The following COMMD6 variants were observed in gnomAD, a reference collection of about 807,000 sequenced individuals.
The protein encoded by COMMD6 is COMM domain-containing protein 6.
A neutral mutation model predicts 13.4 loss-of-function variants in COMMD6; 11 were observed. The observed-to-expected ratio is 0.82, with a 90% CI of 0.52 to 1.36. The LOEUF (loss-of-function observed/expected upper bound fraction) is 1.36, where lower values mean the gene tolerates loss of function less well. Ranked by LOEUF, COMMD6 falls within the 40% of genes most tolerant of loss-of-function variation. COMMD6 has a pLI of 0.00. For synonymous variants in COMMD6, 43 were observed against 36.5 expected (o/e 1.18, Z -0.64); for missense variants, 124 against 102.4 (o/e 1.21, Z -0.91).
intron 3 of COMMD6, chr13:75,527,940 A>G (rs1326780995): frequency 1.5e-6 from 2 of 1,318,862 alleles, no homozygotes; most frequent in South Asian, 2.3e-5. Context: ...CAATATGGTG[A>G]CTACAGTAAT....
At chr13:75,544,064 A>T (rs1392125179) in intron 1 of COMMD6, among the ~76,000 whole-genome samples, 2 of 143,774 alleles carry the variant, frequency 1.4e-5, no homozygotes, top group Non-Finnish European at 3.0e-5. Flanking sequence ...TTTTATTTGT[A>T]CTCCAGGTTA....
At chr13:75,541,585 C>G (rs971769565), upstream of COMMD6, among the ~76,000 whole-genome samples, 2 of 151,920 alleles carry the variant, frequency 1.3e-5, no homozygotes, top group Non-Finnish European at 2.9e-5. Flanking sequence ...TGATGTGTTA[C>G]TATTTTTGCC....
chr13:75,536,562 G>A (rs1442648519), intron 2 of COMMD6, among the ~76,000 whole-genome samples: 2 of 152,166 alleles, frequency 1.3e-5, no homozygotes, highest in Non-Finnish European at 1.5e-5. Context: ...AGGAAAAAGG[G>A]TCAGAGTCAG....
chr13:75,538,170 G>A (rs567490077), upstream of COMMD6, among the ~76,000 whole-genome samples: 1 of 152,300 alleles, frequency 6.6e-6, no homozygotes, highest in Admixed American at 6.5e-5. Flanking sequence ...AACCAAATTC[G>A]GAAGGCGCTG....
upstream of COMMD6, among the ~76,000 whole-genome samples, chr13:75,540,182 G>A (rs2030802122): frequency 6.6e-6 from 1 of 151,930 alleles, no homozygotes; most frequent in Non-Finnish European, 1.5e-5. Context: ...TGTTGCCCAG[G>A]CTGGTCTCGA....
chr13:75,537,950 T>G (rs1322472332), upstream of COMMD6: 1 of 761,892 alleles, frequency 1.3e-6, no homozygotes, highest in Non-Finnish European at 2.1e-6. Flanking sequence ...GTGACTCATA[T>G]TTTTTCTTAA....
intron 2 of COMMD6, among the ~76,000 whole-genome samples, chr13:75,534,132 T>C (rs968528945): frequency 2.0e-5 from 3 of 152,138 alleles, no homozygotes; most frequent in Admixed American, 2.0e-4. Context: ...GTAAGCAATT[T>C]CTTATTCTTA....
chr13:75,540,125 C>G (rs2030801105), upstream of COMMD6, among the ~76,000 whole-genome samples: 1 of 152,050 alleles, frequency 6.6e-6, no homozygotes, highest in African/African-American at 2.4e-5. Context: ...CGCATGCCAC[C>G]ATGCCCAGCT....
At chr13:75,532,316 T>C (rs1439286945) in intron 2 of COMMD6, among the ~76,000 whole-genome samples, 2 of 152,238 alleles carry the variant, frequency 1.3e-5, no homozygotes, top group Non-Finnish European at 2.9e-5. Context: ...ACTACATTTC[T>C]GGTTGAAAGG....
chr13:75,533,472 A>T lies in COMMD6; in HGVS notation c.55-3206T>A, dbSNP rs1043761242. On this transcript the variant is annotated intron_variant, in intron 2 of 3. Transcript: ENST00000682242. ...AAGTCCCAGCTACTTGGGAGGATGA[A>T]GTGGGAGGATCACCTAAGCCCAGGA... Among the ~76,000 whole-genome samples, 20 of 151,518 alleles carry T rather than the reference A, an allele frequency of 1.3e-4. No individual in the cohort carries two copies. The East Asian group carries it at 3.5e-3, about 27-fold the overall frequency.
At chr13:75,533,512 T>C (rs1432760796) in intron 2 of COMMD6, among the ~76,000 whole-genome samples, 5 of 146,438 alleles carry the variant, frequency 3.4e-5, no homozygotes, top group African/African-American at 1.3e-4. Flanking sequence ...AAGGATGCAG[T>C]GAGCTGTGAG....
chr13:75,541,201 C>T (rs750324582), upstream of COMMD6, among the ~76,000 whole-genome samples: 4 of 152,120 alleles, frequency 2.6e-5, no homozygotes, highest in Non-Finnish European at 4.4e-5. Flanking sequence ...CCATGTTGTT[C>T]AAGGGTCAAC....
chr13:75,537,268 TA>T, intron 2 of COMMD6: 1 of 1,487,450 alleles, frequency 6.7e-7, no homozygotes, highest in Non-Finnish European at 9.0e-7. Context: ...ATGCATACTC[TA>T]AAAGGCTAAA....
At chr13:75,527,753 C>G in intron 3 of COMMD6, 1 of 1,313,008 alleles carries the variant, frequency 7.6e-7, no homozygotes, top group Non-Finnish European at 9.8e-7. Context: ...AAGCCAGACA[C>G]AGAAAGGCTA....
At chr13:75,540,344 CCACA>C (rs59520333), upstream of COMMD6, among the ~76,000 whole-genome samples, 1,436 of 147,348 alleles carry the variant, frequency 9.7e-3, 13 homozygotes, top group African/African-American at 0.027. Context: ...ACACACACAC[CCACA>C]CACACACACA....
Position 75,537,768 on chromosome 13 carries a change from G to T in COMMD6, c.38C>A (p.Ser13Tyr). The change falls in exon 1 of 4, where the codon TCC (serine) becomes TAC (tyrosine). Residue 13 changes from serine to tyrosine, a missense_variant. Ser to Tyr is a moderately radical substitution (Grantham distance 144). Coordinates refer to ENST00000682242, the MANE Select transcript of COMMD6 (RefSeq NM_203495.4). ...TCCTTCCAGGTTGGAACTCACATCG[G>T]ACTTAGCATCCAGCGGCGGCTCGCT... ...ASSEPPLDAK[S>Y]DVTNQLVDFQ... 1 of 1,612,618 alleles carries T rather than the reference G, an allele frequency of 6.2e-7. No individual in the cohort carries two copies. The highest frequency in any genetic ancestry group is 1.3e-5 in the African/African-American group (1 of 75,036).
At chr13:75,529,070 C>T (rs576781906) in intron 3 of COMMD6, among the ~76,000 whole-genome samples, 3 of 152,116 alleles carry the variant, frequency 2.0e-5, no homozygotes, top group Non-Finnish European at 4.4e-5. Context: ...AGAGTACTAA[C>T]TGCTGTTTAA....
At chr13:75,541,962 T>C (rs1475668632), upstream of COMMD6, among the ~76,000 whole-genome samples, 2 of 152,178 alleles carry the variant, frequency 1.3e-5, no homozygotes, top group South Asian at 2.1e-4. Flanking sequence ...ACATATGCCA[T>C]AGTAAACTAT....
upstream of COMMD6, among the ~76,000 whole-genome samples, chr13:75,540,633 T>C (rs1173235447): frequency 6.6e-6 from 1 of 152,188 alleles, no homozygotes; most frequent in Non-Finnish European, 1.5e-5. Flanking sequence ...CAGACCTCCA[T>C]CTTACAAGAG....
Sources: gnomAD v4.1 joint callset for allele counts (sites outside exome capture counted in the v4.1 genomes callset) on GRCh38, gnomAD v4.1.1 for gene constraint, MANE v1.5 for transcripts, NCBI Gene and HGNC (gene_info 2026-07-23, HGNC 2026-07-21) for gene names.